Variants in ZRANB3 observed in about 807,000 individuals in gnomAD.
The protein encoded by ZRANB3 is DNA annealing helicase and endonuclease ZRANB3.
A neutral mutation model predicts 133.8 loss-of-function variants in ZRANB3; 125 were observed. The ratio of observed to expected loss-of-function variants is 0.93; its 90% confidence interval spans 0.81 to 1.08. The LOEUF (loss-of-function observed/expected upper bound fraction) is 1.08. Among genes scored for constraint, ZRANB3 ranks in the 50% least tolerant of loss-of-function variants. The probability of loss-of-function intolerance (pLI) is 0.00; values close to 1 mark genes in which losing one functional copy is unlikely to be tolerated. For missense variants in ZRANB3, 1,229 were observed against 1,275.5 expected, an observed-to-expected ratio of 0.96 and a Z score of 0.56; for synonymous variants, 387 against 432.7, an observed-to-expected ratio of 0.89 and a Z score of 1.31.
intron 1 of ZRANB3, among the ~76,000 whole-genome samples, chr2:135,505,882 T>C (rs932772081): frequency 2.0e-5 from 3 of 152,336 alleles, no homozygotes; most frequent in Admixed American, 1.3e-4. Flanking sequence ...AATTATAATA[T>C]AGCACAAATA....
At position 135,230,585 on chromosome 2, in the gene ZRANB3, T is replaced by C. The variant is rs1483899796; in HGVS notation, c.1882A>G (p.Ser628Gly). 3 of 1,602,114 alleles carry C rather than the reference T, an allele frequency of 1.9e-6. No homozygotes were observed. Among genetic ancestry groups the C allele is most frequent in the Non-Finnish European group, 2.6e-6 (3 of 1,176,330 alleles). ...PAFPVEGWQCSLCTYINNSEL... is the reference protein window; with the variant it reads ...PAFPVEGWQCGLCTYINNSEL... ...GAATTATTGATATAGGTGCAGAGAC[T>C]ACATTGCCAGCCCTCTACAGGAAAG... Residue 628 changes from serine to glycine, a missense_variant, in exon 13 of 21, where the codon AGT becomes GGT. By Grantham distance (56) the Ser-to-Gly change is moderately conservative. Coordinates refer to ENST00000264159, the MANE Select transcript of ZRANB3 (RefSeq NM_032143.4).
chr2:135,440,904 G>C (rs962063021), intron 2 of ZRANB3, among the ~76,000 whole-genome samples: 4 of 152,066 alleles, frequency 2.6e-5, no homozygotes, highest in Non-Finnish European at 5.9e-5. Flanking sequence ...ATTTGATAGA[G>C]CAATAGAAAT....
At chr2:135,223,746 G>C (rs903645102) in intron 15 of ZRANB3, among the ~76,000 whole-genome samples, 1 of 152,080 alleles carries the variant, frequency 6.6e-6, no homozygotes, top group Non-Finnish European at 1.5e-5. Context: ...AGTGCAAAGG[G>C]GTACTGAATC....
At chr2:135,417,902 T>C (rs1167128800) in intron 2 of ZRANB3, among the ~76,000 whole-genome samples, 5 of 152,108 alleles carry the variant, frequency 3.3e-5, no homozygotes, top group African/African-American at 9.7e-5. Context: ...TAGATGGGAA[T>C]TGAACAATGA....
intron 2 of ZRANB3, among the ~76,000 whole-genome samples, chr2:135,430,451 A>G (rs1159499231): frequency 6.6e-6 from 1 of 152,010 alleles, no homozygotes; most frequent in Non-Finnish European, 1.5e-5. Flanking sequence ...AAAAAACCCA[A>G]ACACATAGTA....
At chr2:135,258,692 A>G (rs1237095381) in intron 12 of ZRANB3, among the ~76,000 whole-genome samples, 1 of 152,222 alleles carries the variant, frequency 6.6e-6, no homozygotes, top group Non-Finnish European at 1.5e-5. Context: ...ATGCAGACTA[A>G]TTACATAATA....
At chr2:135,393,909 G>A (rs1474933773) in intron 2 of ZRANB3, among the ~76,000 whole-genome samples, 1 of 152,030 alleles carries the variant, frequency 6.6e-6, no homozygotes, top group Non-Finnish European at 1.5e-5. Context: ...CCTGGCTGGA[G>A]TGCAACGGCA....
At chr2:135,269,230 G>T in intron 10 of ZRANB3, 89 bp from the exon 11 acceptor site, 1 of 1,086,814 alleles carries the variant, frequency 9.2e-7, no homozygotes, top group Non-Finnish European at 1.2e-6. Flanking sequence ...GGAGAACACT[G>T]AAGGACTTGA....
intron 12 of ZRANB3, among the ~76,000 whole-genome samples, chr2:135,234,109 C>G (rs1021442394): frequency 8.6e-5 from 13 of 151,926 alleles, no homozygotes; most frequent in Non-Finnish European, 1.9e-4. Flanking sequence ...ATCTACCAAG[C>G]AAATGGAAAA....
At chr2:135,396,171 C>T (rs1687478511) in intron 2 of ZRANB3, among the ~76,000 whole-genome samples, 1 of 152,030 alleles carries the variant, frequency 6.6e-6, no homozygotes, top group South Asian at 2.1e-4. Context: ...CAAATGCTGA[C>T]AAGGATATGG....
intron 2 of ZRANB3, among the ~76,000 whole-genome samples, chr2:135,416,191 T>C (rs1041411912): frequency 5.9e-5 from 9 of 151,710 alleles, no homozygotes; most frequent in African/African-American, 1.2e-4. Flanking sequence ...GATGACATGA[T>C]TGTATATCTA....
At chr2:135,313,872 CT>C (rs894676059) in intron 7 of ZRANB3, among the ~76,000 whole-genome samples, 3 of 151,504 alleles carry the variant, frequency 2.0e-5, no homozygotes, top group South Asian at 2.1e-4. Flanking sequence ...ATAATTTCTT[CT>C]TTTTTTTTGA....
At chr2:135,285,909 A>T (rs1681337806) in intron 8 of ZRANB3, among the ~76,000 whole-genome samples, 1 of 152,218 alleles carries the variant, frequency 6.6e-6, no homozygotes, top group Non-Finnish European at 1.5e-5. Context: ...TATTCTCAAC[A>T]TACATTACAA....
chr2:135,417,778 G>C (rs1688655485), intron 2 of ZRANB3, among the ~76,000 whole-genome samples: 1 of 152,176 alleles, frequency 6.6e-6, no homozygotes, highest in Non-Finnish European at 1.5e-5. Flanking sequence ...ATACTATGCA[G>C]CCATAAAAAG....
chr2:135,475,159 T>C (rs140105812), intron 2 of ZRANB3, among the ~76,000 whole-genome samples: 8 of 151,970 alleles, frequency 5.3e-5, no homozygotes, highest in Middle Eastern at 6.8e-3. Context: ...GCCAGTTTTA[T>C]TGTTAGAAAT....
chr2:135,364,219 A>AT (rs1478979242), intron 3 of ZRANB3, among the ~76,000 whole-genome samples: 1 of 152,166 alleles, frequency 6.6e-6, no homozygotes, highest in African/African-American at 2.4e-5. Flanking sequence ...AATAACTACT[A>AT]TAATGATTAA....
In ZRANB3 at chr2:135,272,414, C is replaced by CTTTTTTTTTTTTTTTT; in HGVS notation, c.1087-543_1087-528dup. Among the ~76,000 whole-genome samples, 64 of 107,754 alleles carry CTTTTTTTTTTTTTTTT rather than the reference C, an allele frequency of 5.9e-4. 3 individuals carry two copies. The highest frequency in any genetic ancestry group is 1.7e-3 in the African/African-American group (37 of 22,138). The allele number at this position is 107,754 out of a possible 152,430, so 70.7% of individuals were successfully genotyped here. On this transcript the variant is annotated intron_variant, in intron 9 of 20. Transcript: ENST00000264159. Reference sequence around the variant, plus strand: ...CCAAATATTAACTGGGAAAATAGAGCTTTTTTTTTTTTTTTTTTGTGACGG... The same window carrying CTTTTTTTTTTTTTTTT: ...CCAAATATTAACTGGGAAAATAGAGCTTTTTTTTTTTTTTTTTTTTTTTTTTTTTTTTTTGTGACGG...
chr2:135,225,885 T>C (rs999974632), intron 14 of ZRANB3, among the ~76,000 whole-genome samples: 1 of 152,120 alleles, frequency 6.6e-6, no homozygotes, highest in African/African-American at 2.4e-5. Context: ...GCTCTGCAAA[T>C]AGAGGAAAGT....
At chr2:135,305,854 G>C (rs1368777566) in intron 8 of ZRANB3, among the ~76,000 whole-genome samples, 1 of 152,034 alleles carries the variant, frequency 6.6e-6, no homozygotes, top group Admixed American at 6.5e-5. Flanking sequence ...GTTGGGTATA[G>C]TATTTTTGGC....
Sources: gnomAD v4.1 joint callset for allele counts (sites outside exome capture counted in the v4.1 genomes callset) on GRCh38, gnomAD v4.1.1 for gene constraint, MANE v1.5 for transcripts, NCBI Gene and HGNC (gene_info 2026-07-23, HGNC 2026-07-21) for gene names.